Variants in ELP1 observed in about 807,000 individuals in gnomAD.
ELP1 encodes elongator acetyltransferase complex subunit 1, also known as elongator complex protein 1.
Under a neutral mutation model 183.2 loss-of-function variants are expected in ELP1, and 131 were observed. The observed-to-expected ratio is 0.72, with a 90% confidence interval of 0.62 to 0.83. The LOEUF (loss-of-function observed/expected upper bound fraction) is 0.83, where lower values mean the gene tolerates loss of function less well. Ranked by LOEUF, ELP1 falls within the 40% of genes least tolerant of loss-of-function variation. The pLI, the probability that ELP1 is intolerant of heterozygous loss-of-function variation, is 0.00. For synonymous variants in ELP1, 555 were observed against 569.0 expected, an observed-to-expected ratio of 0.98 and a Z score of 0.35; for missense variants, 1,550 against 1,594.9, an observed-to-expected ratio of 0.97 and a Z score of 0.48.
At chr9:108,917,050 T>C (rs998386728) in intron 9 of ELP1, among the ~76,000 whole-genome samples, 3 of 152,224 alleles carry the variant, frequency 2.0e-5, no homozygotes, top group Non-Finnish European at 2.9e-5. Flanking sequence ...GGGGGACAAA[T>C]GCTATTATTT....
chr9:108,895,171 G>A (rs1828492357), intron 25 of ELP1, among the ~76,000 whole-genome samples: 1 of 152,188 alleles, frequency 6.6e-6, no homozygotes, highest in Admixed American at 6.5e-5. Context: ...GTAGGTTGCA[G>A]TGAGCCAAGA....
chr9:108,892,945 A>G (rs756682496), intron 27 of ELP1, 41 bp downstream of exon 27: 78 of 1,470,054 alleles, frequency 5.3e-5, no homozygotes, highest in Non-Finnish European at 6.7e-5. Flanking sequence ...ACTAAAGCAA[A>G]AAGCAAAACC....
At chr9:108,899,952 A>G (rs1828704462) in intron 19 of ELP1, 57 bp from the exon 20 acceptor site, 5 of 1,355,148 alleles carry the variant, frequency 3.7e-6, no homozygotes, top group Non-Finnish European at 5.3e-6. Context: ...TTAAATAGCC[A>G]GGATACACCA....
chr9:108,912,530 T>C, intron 10 of ELP1, 36 bp from the exon 11 acceptor site: 2 of 1,500,682 alleles, frequency 1.3e-6, no homozygotes, highest in Non-Finnish European at 1.9e-6. Flanking sequence ...CGTTAGAGGC[T>C]GGGAAGCAGA....
In ELP1 at chr9:108,893,951, C is replaced by G. The variant is rs978773866; in HGVS notation, c.2852G>C (p.Ser951Thr). 7 of 1,613,646 alleles carry G rather than the reference C, an allele frequency of 4.3e-6. No homozygotes were observed. The Admixed American group carries it at 5.0e-5, about 12-fold the overall frequency. The change falls in exon 26 of 37, where the codon AGC becomes ACC. Residue 951 changes from serine to threonine, a missense_variant. Transcript: ENST00000374647. ...KRYEKAIGHLSKCGPEYFPEC... is the reference protein window; with the variant it reads ...KRYEKAIGHLTKCGPEYFPEC... ...CTAATCCCCACACTTACCACATTTG[C>G]TGAGGTGGCCAATGGCTTTTTCATA...
chr9:108,898,424 G>A, intron 22 of ELP1, 78 bp downstream of exon 22: 2 of 929,954 alleles, frequency 2.2e-6, no homozygotes, highest in East Asian at 2.6e-5. Context: ...TTCTTCTCTA[G>A]CTATTTATGC....
chr9:108,914,422 G>T (rs201540955), intron 10 of ELP1, among the ~76,000 whole-genome samples: 139 of 137,136 alleles, frequency 1.0e-3, no homozygotes, highest in African/African-American at 3.6e-3. Flanking sequence ...AAGGGGGGGG[G>T]GGTTCTACTG....
At chr9:108,921,832 G>C (rs1012939408) in intron 6 of ELP1, among the ~76,000 whole-genome samples, 10 of 152,120 alleles carry the variant, frequency 6.6e-5, no homozygotes, top group Non-Finnish European at 1.5e-4. Flanking sequence ...GCTTTAAAAA[G>C]TTTCAAAAAT....
chr9:108,918,646 GA>G (rs35212638), intron 8 of ELP1, among the ~76,000 whole-genome samples, 164 bp downstream of exon 8: 99 of 138,372 alleles, frequency 7.2e-4, no homozygotes, highest in African/African-American at 1.5e-3. Context: ...CAGGGAATAA[GA>G]AAAAAAAAAA....
chr9:108,915,600 C>T lies in ELP1; in HGVS notation c.958+604G>A, dbSNP rs116488393. The stretch of plus-strand genomic sequence containing the variant: ...CCCCACAAATTTCAAACTTGCCATC[C>T]CCTACATTAGCTAATCTTTTAAAGT... On this transcript the variant is annotated intron_variant, in intron 10 of 36. Transcript: ENST00000374647. Among the ~76,000 whole-genome samples the T allele has an allele frequency of 4.3e-3, 658 of 152,228 alleles. 9 individuals carry two copies. The highest frequency in any genetic ancestry group is 0.015 in the African/African-American group (628 of 41,538).
intron 29 of ELP1, among the ~76,000 whole-genome samples, chr9:108,888,875 T>C (rs1017656535): frequency 9.9e-5 from 15 of 152,158 alleles, no homozygotes; most frequent in Admixed American, 9.8e-4. Flanking sequence ...CCTATAATAC[T>C]ACCAAATGCT....
chr9:108,910,291 A>G (rs1298579524), intron 12 of ELP1, among the ~76,000 whole-genome samples: 1 of 152,246 alleles, frequency 6.6e-6, no homozygotes, highest in Admixed American at 6.5e-5. Context: ...GACTTAACAG[A>G]AAAGCTGATA....
intron 6 of ELP1, among the ~76,000 whole-genome samples, chr9:108,919,681 A>T (rs184749063): frequency 1.5e-4 from 23 of 152,290 alleles, no homozygotes; most frequent in Non-Finnish European, 2.9e-4. Flanking sequence ...CAAGGAAACA[A>T]GTGTTCCATT....
In ELP1 at chr9:108,897,027, G is replaced by T; in HGVS notation, c.2513C>A (p.Ser838Tyr). The change falls in exon 24 of 37, where the codon TCC (serine) becomes TAC (tyrosine). Residue 838 changes from serine (S) to tyrosine (Y), a missense_variant. By Grantham distance (144) the Ser-to-Tyr change is moderately radical. Coordinates refer to ENST00000374647, the MANE Select transcript of ELP1 (RefSeq NM_003640.5). ...CTTCTTTACATGAGATGTAAGTATGGATAGGCAGTATCTGAGGTAATAAGT... is the reference window on the plus strand; with the variant it reads ...CTTCTTTACATGAGATGTAAGTATGTATAGGCAGTATCTGAGGTAATAAGT... ...ESINPHKYCL[S>Y]ILTSHVKKTT... 2 of 1,613,902 alleles carry T rather than the reference G, an allele frequency of 1.2e-6. No individual in the cohort carries two copies. The highest frequency in any genetic ancestry group is 1.7e-6 in the Non-Finnish European group (2 of 1,179,802).
intron 11 of ELP1, among the ~76,000 whole-genome samples, chr9:108,912,035 A>G (rs1236303447): frequency 6.6e-6 from 1 of 152,168 alleles, no homozygotes; most frequent in Non-Finnish European, 1.5e-5. Context: ...AGGCAAGTAA[A>G]CGTGTGAAGG....
chr9:108,919,275 C>T lies in ELP1; in HGVS notation c.627G>A (p.Val209=). ...TACCTGTTTCTGGGCAAACAACACT[C>T]ACAGCAAAAAACTGTCCATCCCCCC... ...TWRGDGQFFA[V]SVVCPETGAR... The change falls in exon 7 of 37, where the codon GTG becomes GTA. Residue 209 remains valine, a synonymous_variant. Coordinates refer to ENST00000374647, the MANE Select transcript of ELP1 (RefSeq NM_003640.5). 1 of 1,613,470 alleles carries T rather than the reference C, an allele frequency of 6.2e-7. No individual in the cohort carries two copies. Among genetic ancestry groups the T allele is most frequent in the Non-Finnish European group, 8.5e-7 (1 of 1,179,562 alleles).
intron 27 of ELP1, 47 bp from the exon 28 acceptor site, chr9:108,891,451 T>C: frequency 6.4e-7 from 1 of 1,561,662 alleles, no homozygotes; most frequent in Non-Finnish European, 8.8e-7. Flanking sequence ...ATGACAATCA[T>C]TTCTCTAAAG....
intron 27 of ELP1, 94 bp downstream of exon 27, chr9:108,892,892 G>T: frequency 1.2e-6 from 1 of 859,634 alleles, no homozygotes. Flanking sequence ...AAATTTTGAA[G>T]CCAAGGATGG....
In ELP1 at chr9:108,869,373, G is replaced by A. The variant is rs56406618; in HGVS notation, c.3932-191C>T. On this transcript the variant is annotated intron_variant, in intron 36 of 36. Coordinates refer to ENST00000374647, the MANE Select transcript of ELP1 (RefSeq NM_003640.5). ...AAACACAACCTGGAGGCCCCGCCCT[G>A]AGAGGAGGGACTGCATTTCAACCTC... 2.2e-4 allele frequency among the ~76,000 whole-genome samples: 34 copies of A among 152,280 alleles called. 1 individual carries two copies. The East Asian group carries it at 6.6e-3, about 29-fold the overall frequency.
Sources: gnomAD v4.1 joint callset for allele counts (sites outside exome capture counted in the v4.1 genomes callset) on GRCh38, gnomAD v4.1.1 for gene constraint, MANE v1.5 for transcripts, NCBI Gene and HGNC (gene_info 2026-07-23, HGNC 2026-07-21) for gene names.